Variants in ZNF589 observed in about 807,000 individuals in gnomAD.
ZNF589 encodes the protein KRAB-zinc finger protein SZF1-1.
A neutral mutation model predicts 13.6 loss-of-function variants in ZNF589; 17 were observed. The ratio of observed to expected loss-of-function variants is 1.25; its 90% CI spans 0.86 to 1.88. ZNF589 has a LOEUF of 1.88. ZNF589 is among the 40% of genes most tolerant of loss of function. ZNF589 has a pLI of 0.00. For synonymous variants in ZNF589, 148 were observed against 161.6 expected (o/e 0.92, Z 0.64); for missense variants, 407 against 434.0 (o/e 0.94, Z 0.55).
intron 2 of ZNF589, among the ~76,000 whole-genome samples, chr3:48,251,889 A>G (rs2033842396): frequency 6.6e-6 from 1 of 151,882 alleles, no homozygotes; most frequent in East Asian, 1.9e-4. Flanking sequence ...CGAAAAGTAC[A>G]AAAAAATTAG....
rs879498879 is a variant in ZNF589, at chr3:48,270,459, G to A, written c.*1673G>A. 3 of 355,858 alleles carry A rather than the reference G, an allele frequency of 8.4e-6. No homozygotes were observed. Among genetic ancestry groups the A allele is most frequent in the Admixed American group, 3.8e-5 (1 of 26,468 alleles). The allele number at this position is 355,858 out of a possible 1,614,324, so 22.0% of individuals were successfully genotyped here. ...AGTACCCAGTGTTTTAGCCATGCTCGGGTGGCTAAATTACATCCAGGAATG... is the reference window on the plus strand; with the variant it reads ...AGTACCCAGTGTTTTAGCCATGCTCAGGTGGCTAAATTACATCCAGGAATG... On this transcript the variant is annotated 3_prime_UTR_variant, in exon 4 of 4. Coordinates refer to ENST00000354698, the MANE Select transcript of ZNF589 (RefSeq NM_016089.3).
chr3:48,256,087 C>T lies in ZNF589; in HGVS notation c.97-4726C>T, dbSNP rs147737977. 9.7e-3 allele frequency among the ~76,000 whole-genome samples: 1,480 copies of T among 152,096 alleles called. 11 individuals carry two copies. Among genetic ancestry groups the T allele is most frequent in the Non-Finnish European group, 0.014 (925 of 67,990 alleles). ...ACATTCCACTGGGCAAAACTCCTGT[C>T]CCCAGCACTGAGTATGGCCCAAGCC... On this transcript the variant is annotated intron_variant, in intron 2 of 3. Transcript: ENST00000354698.
At chr3:48,261,020 T>G in intron 3 of ZNF589, 81 bp downstream of exon 3, 1 of 1,444,080 alleles carries the variant, frequency 6.9e-7, no homozygotes, top group South Asian at 1.2e-5. Context: ...TGTTTTAATC[T>G]CTTAGAACAT....
At chr3:48,267,394 A>T (rs984855869) in intron 3 of ZNF589, among the ~76,000 whole-genome samples, 9 of 152,106 alleles carry the variant, frequency 5.9e-5, no homozygotes, top group African/African-American at 1.4e-4. Flanking sequence ...ACTAATAAAT[A>T]GAAGAATTTT....
chr3:48,262,670 C>A (rs144922742), intron 3 of ZNF589, among the ~76,000 whole-genome samples: 244 of 152,218 alleles, frequency 1.6e-3, no homozygotes, highest in African/African-American at 5.4e-3. Flanking sequence ...CTAAAAACTT[C>A]TCTTAATTTA....
At position 48,268,449 on chromosome 3, in the gene ZNF589, G is replaced by A. The variant is rs1329901135; in HGVS notation, c.758G>A (p.Cys253Tyr). 1.2e-6 allele frequency: 2 copies of A among 1,614,220 alleles called. No homozygotes were observed. Among genetic ancestry groups the A allele is most frequent in the East Asian group, 4.5e-5 (2 of 44,888 alleles). Reference protein sequence around the residue: ...DKRQSQVCRECGRGFSRKSQL... With the variant: ...DKRQSQVCREYGRGFSRKSQL... ...AGGCAGTCACAGGTGTGCAGGGAGT[G>A]TGGGCGAGGCTTTAGCAGGAAGTCA... Residue 253 changes from cysteine to tyrosine, a missense_variant, in exon 4 of 4, where the codon TGT becomes TAT. Transcript: ENST00000354698.
Position 48,268,790 on chromosome 3 carries a change from C to G in ZNF589, c.*4C>G, listed in dbSNP as rs1357241826. On this transcript the variant is annotated 3_prime_UTR_variant, in exon 4 of 4. Coordinates refer to ENST00000354698, the MANE Select transcript of ZNF589 (RefSeq NM_016089.3). ...GCCTTATGTGTGCAGAGATTGAGGC[C>G]GAGGCTTTGTAAGGAGATCATGTCT... is the stretch of plus-strand genomic sequence containing the variant. 1.2e-6 allele frequency: 2 copies of G among 1,606,168 alleles called. No individual in the cohort carries two copies. Among genetic ancestry groups the G allele is most frequent in the African/African-American group, 2.7e-5 (2 of 74,556 alleles).
intron 2 of ZNF589, among the ~76,000 whole-genome samples, chr3:48,250,773 G>A (rs1299429919): frequency 1.3e-5 from 2 of 151,264 alleles, no homozygotes; most frequent in Non-Finnish European, 2.9e-5. Flanking sequence ...CACCTGCCCC[G>A]TCTTTTGTCT....
chr3:48,256,381 C>G, intron 2 of ZNF589: 6 of 559,366 alleles, frequency 1.1e-5, no homozygotes, highest in Non-Finnish European at 2.1e-5. Context: ...CCTTGAGTAG[C>G]AGACATTGTC....
intron 2 of ZNF589, among the ~76,000 whole-genome samples, chr3:48,253,046 T>G (rs1030182845): frequency 1.3e-5 from 2 of 152,142 alleles, no homozygotes; most frequent in African/African-American, 4.8e-5. Flanking sequence ...TTATTTTTAT[T>G]TTTTGAGACA....
At chr3:48,254,270 C>CA (rs1238336890) in intron 2 of ZNF589, among the ~76,000 whole-genome samples, 3 of 151,996 alleles carry the variant, frequency 2.0e-5, no homozygotes, top group Non-Finnish European at 4.4e-5. Context: ...AAAAACTAAA[C>CA]AAAAAATCAG....
intron 2 of ZNF589, among the ~76,000 whole-genome samples, chr3:48,257,556 A>C (rs1006509096): frequency 6.6e-6 from 1 of 151,980 alleles, no homozygotes; most frequent in South Asian, 2.1e-4. Context: ...CACCGAAAAA[A>C]GTTTTAATTT....
At position 48,267,970 on chromosome 3, in the gene ZNF589, T is replaced by G. The variant is rs2034037512; in HGVS notation, c.279T>G (p.Ser93Arg). ...TCPSCPLAFG[S>R]QQFLSQDELH... ...CTTCTTGCCCTCTGGCCTTTGGCAG[T>G]CAGCAGTTCCTCAGCCAAGATGAGC... The change falls in exon 4 of 4, where the codon AGT (serine) becomes AGG (arginine). Residue 93 changes from serine (S) to arginine (R), a missense_variant. Ser to Arg is a moderately radical substitution (Grantham distance 110). Coordinates refer to ENST00000354698, the MANE Select transcript of ZNF589 (RefSeq NM_016089.3). The G allele has an allele frequency of 5.6e-6, 9 of 1,613,740 alleles. No individual in the cohort carries two copies. Among genetic ancestry groups the G allele is most frequent in the Non-Finnish European group, 6.8e-6 (8 of 1,180,034 alleles).
At chr3:48,249,206 G>T (rs1480558034) in intron 2 of ZNF589, among the ~76,000 whole-genome samples, 1 of 151,532 alleles carries the variant, frequency 6.6e-6, no homozygotes, top group Admixed American at 6.6e-5. Context: ...GGATTCAAGC[G>T]ATTCTCCTGC....
At position 48,268,195 on chromosome 3, in the gene ZNF589, T is replaced by C; in HGVS notation, c.504T>C (p.Ser168=). The stretch of plus-strand genomic sequence containing the variant: ...AAAGGGGGGCTTTAGTGGGTTTCTC[T>C]AGCCTGTTCCAGAGACCACCAATAA... ...TNERGALVGF[S]SLFQRPPISS... Residue 168 remains serine (S), a synonymous_variant, in exon 4 of 4, where the codon TCT becomes TCC. Transcript: ENST00000354698. The C allele has an allele frequency of 6.2e-7, 1 of 1,610,130 alleles. No homozygotes were observed. The highest frequency in any genetic ancestry group is 2.2e-5 in the East Asian group (1 of 44,858).
intron 3 of ZNF589, among the ~76,000 whole-genome samples, chr3:48,261,895 C>T (rs989268196): frequency 9.9e-5 from 15 of 152,180 alleles, no homozygotes; most frequent in African/African-American, 3.6e-4. Context: ...CTGATTTGGT[C>T]TTGTTTCATC....
At chr3:48,260,752 T>G (rs2106844354) in intron 2 of ZNF589, 61 bp from the exon 3 acceptor site, 2 of 1,609,890 alleles carry the variant, frequency 1.2e-6, no homozygotes, top group Non-Finnish European at 1.7e-6. Flanking sequence ...GACCACCAGT[T>G]CCATTTTCAC....
At chr3:48,265,311 G>T (rs1429872614) in intron 3 of ZNF589, among the ~76,000 whole-genome samples, 2 of 84,746 alleles carry the variant, frequency 2.4e-5, no homozygotes, top group Admixed American at 1.9e-4. Context: ...TGGAGACAGA[G>T]TTTCACTCTT....
Position 48,268,358 on chromosome 3 carries a change from G to A in ZNF589, c.667G>A (p.Ala223Thr), listed in dbSNP as rs1169129686. The stretch of plus-strand genomic sequence containing the variant: ...AGTCACGTTTGGGGAGTGTGCACTA[G>A]CTTTTAACCAGAAGTCAAACCTGTT... ...GAVTFGECAL[A>T]FNQKSNLFRQ... Residue 223 changes from alanine (A) to threonine (T), a missense_variant, in exon 4 of 4, where the codon GCT becomes ACT. Ala to Thr is a moderately conservative substitution (Grantham distance 58). Coordinates refer to ENST00000354698, the MANE Select transcript of ZNF589 (RefSeq NM_016089.3). 6.2e-7 allele frequency: 1 copy of A among 1,614,090 alleles called. No individual in the cohort carries two copies. Among genetic ancestry groups the A allele is most frequent in the East Asian group, 2.2e-5 (1 of 44,898 alleles).
Sources: allele counts gnomAD v4.1 joint callset (sites outside exome capture counted in the v4.1 genomes callset), GRCh38; gene constraint gnomAD v4.1.1; transcripts MANE v1.5; gene names NCBI Gene and HGNC (gene_info 2026-07-23, HGNC 2026-07-21).